The following DNAH17 variants were observed in gnomAD, a reference collection of about 807,000 sequenced individuals.
The protein encoded by DNAH17 is axonemal beta dynein heavy chain 17.
Under a neutral mutation model 485.6 loss-of-function variants are expected in DNAH17, and 376 were observed. The ratio of observed to expected loss-of-function variants is 0.77; its 90% CI spans 0.71 to 0.84. The LOEUF is 0.84. DNAH17 is among the 40% of genes least tolerant of loss of function. The pLI is 0.00. For synonymous variants in DNAH17, 3,031 were observed against 2,405.9 expected, an observed-to-expected ratio of 1.26 and a Z score of -7.60; for missense variants, 6,370 against 5,839.3, an observed-to-expected ratio of 1.09 and a Z score of -2.96.
rs1272114167 is a variant in DNAH17 at position 78,551,633 on chromosome 17, A to G, written c.2293T>C (p.Phe765Leu). The change falls in exon 16 of 81, where the codon TTT becomes CTT. Residue 765 changes from phenylalanine to leucine, a missense_variant. Physicochemically the swap from Phe to Leu is conservative, Grantham distance 22. Coordinates refer to ENST00000389840, the MANE Select transcript of DNAH17 (RefSeq NM_173628.4). ...TCTCGCACCTCTTGAATGTACTGAAACACACCTAAAATGGAAATGTAGAGG... is the reference window on the plus strand; with the variant it reads ...TCTCGCACCTCTTGAATGTACTGAAGCACACCTAAAATGGAAATGTAGAGG... Reference protein sequence around the residue: ...TTLFWNGEGVFQYIQEVREIL... With the variant: ...TTLFWNGEGVLQYIQEVREIL... 1.9e-6 allele frequency: 3 copies of G among 1,613,908 alleles called. No individual in the cohort carries two copies. The highest frequency in any genetic ancestry group is 2.2e-5 in the South Asian group (2 of 91,076).
Position 78,551,612 on chromosome 17 carries a change from G to A in DNAH17, c.2314C>T (p.Arg772Ter), listed in dbSNP as rs201020434. The A allele has an allele frequency of 5.6e-6, 9 of 1,613,732 alleles. No individual in the cohort carries two copies. The highest frequency in any genetic ancestry group is 1.3e-5 in the African/African-American group (1 of 74,854). The change falls in exon 16 of 81, where the codon CGA becomes TGA. Residue 772 changes from arginine to a stop codon, truncating the protein, a stop_gained. Coordinates refer to ENST00000389840, the MANE Select transcript of DNAH17 (RefSeq NM_173628.4). LOFTEE classifies it high-confidence loss of function. ...EGVFQYIQEVREILHNLQNRM... is the reference protein window; with the variant it reads ...EGVFQYIQEV ...TTCTGCAAGTTGTGCAGAATTTCTC[G>A]CACCTCTTGAATGTACTGAAACACA...
chr17:78,546,059 C>T (rs1400501830), intron 16 of DNAH17, among the ~76,000 whole-genome samples: 4 of 151,972 alleles, frequency 2.6e-5, no homozygotes, highest in Admixed American at 6.6e-5. Flanking sequence ...ACTGCAGCCT[C>T]GACCTCCCAG....
In DNAH17 at chr17:78,496,040, G is replaced by A. The variant is rs766715097; in HGVS notation, c.5746-8C>T. 1.9e-5 allele frequency: 30 copies of A among 1,610,568 alleles called. 1 individual carries two copies. In the South Asian group the frequency reaches 3.3e-4, roughly 18 times the overall value. On this transcript the variant is annotated splice_polypyrimidine_tract_variant and splice_region_variant and intron_variant, in intron 37 of 80. Coordinates refer to ENST00000389840, the MANE Select transcript of DNAH17 (RefSeq NM_173628.4). ...ATCCTGGACACATTTTACCTGCACGGTTGGTGACACAGACATGTTAGCATG... is the reference window on the plus strand; with the variant it reads ...ATCCTGGACACATTTTACCTGCACGATTGGTGACACAGACATGTTAGCATG...
chr17:78,524,960 C>T, intron 25 of DNAH17, 49 bp downstream of exon 25: 1 of 1,568,982 alleles, frequency 6.4e-7, no homozygotes, highest in Non-Finnish European at 8.7e-7. Context: ...CCGGGGGCAG[C>T]TCCCTGCAGA....
intron 18 of DNAH17, among the ~76,000 whole-genome samples, chr17:78,539,101 G>T (rs1169380057): frequency 6.6e-6 from 1 of 151,976 alleles, no homozygotes; most frequent in Non-Finnish European, 1.5e-5. Context: ...CGTGGTGGCG[G>T]GCACCTATAA....
chr17:78,488,887 G>T (rs1282214183), intron 44 of DNAH17, among the ~76,000 whole-genome samples: 1 of 152,078 alleles, frequency 6.6e-6, no homozygotes, highest in Admixed American at 6.5e-5. Context: ...AAGGACCGCC[G>T]AGAGCCCCCA....
At chr17:78,427,467 A>G (rs1195754910) in intron 77 of DNAH17, among the ~76,000 whole-genome samples, 1 of 152,184 alleles carries the variant, frequency 6.6e-6, no homozygotes, top group Non-Finnish European at 1.5e-5. Context: ...GGCTTTCTGT[A>G]GGGACCATGC....
At chr17:78,543,456 A>G (rs547345960) in intron 17 of DNAH17, among the ~76,000 whole-genome samples, 8 of 151,848 alleles carry the variant, frequency 5.3e-5, no homozygotes, top group Non-Finnish European at 7.4e-5. Flanking sequence ...GCGCCCGGCT[A>G]ATTTTTTGTA....
intron 56 of DNAH17, among the ~76,000 whole-genome samples, chr17:78,465,168 G>C (rs1161522641): frequency 6.6e-6 from 1 of 152,226 alleles, no homozygotes; most frequent in African/African-American, 2.4e-5. Flanking sequence ...CTAACCGCAA[G>C]TGATCCGCCA....
At chr17:78,424,976 A>C (rs1266873430) in intron 80 of DNAH17, 1 of 173,654 alleles carries the variant, frequency 5.8e-6, no homozygotes, top group Non-Finnish European at 1.2e-5. Context: ...CTGGAGTCTC[A>C]GTGCAGCCAC....
intron 54 of DNAH17, among the ~76,000 whole-genome samples, chr17:78,470,352 GC>G (rs1230710632): frequency 3.3e-5 from 5 of 149,890 alleles, no homozygotes; most frequent in African/African-American, 7.3e-5. Context: ...ACAGGCATGA[GC>G]CACCGTGCCC....
intron 47 of DNAH17, 57 bp downstream of exon 47, chr17:78,485,493 G>A: frequency 1.3e-6 from 2 of 1,506,628 alleles, no homozygotes; most frequent in South Asian, 1.3e-5. Context: ...GGACAGGAGG[G>A]AACGGGGACT....
intron 71 of DNAH17, 63 bp downstream of exon 71, chr17:78,444,541 C>A: frequency 1.4e-6 from 2 of 1,456,332 alleles, no homozygotes; most frequent in Non-Finnish European, 9.1e-7. Context: ...CACAGCCGCT[C>A]GGTCAAGCTT....
chr17:78,516,457 C>T (rs188681124), intron 25 of DNAH17, among the ~76,000 whole-genome samples: 2 of 152,238 alleles, frequency 1.3e-5, no homozygotes, highest in Non-Finnish European at 2.9e-5. Flanking sequence ...GAGGCCGAGG[C>T]GGGTGGATCA....
At chr17:78,459,694 G>T in intron 60 of DNAH17, 90 bp downstream of exon 60, 1 of 1,434,942 alleles carries the variant, frequency 7.0e-7, no homozygotes, top group Non-Finnish European at 9.7e-7. Context: ...GGCCCCAAGA[G>T]CCTGAGGCCA....
intron 20 of DNAH17, among the ~76,000 whole-genome samples, chr17:78,531,559 C>G (rs1027205779): frequency 1.3e-5 from 2 of 151,928 alleles, no homozygotes; most frequent in African/African-American, 4.8e-5. Context: ...AGGATGGTCT[C>G]GATCTCCTGA....
Position 78,475,769 on chromosome 17 carries a change from C to T in DNAH17, c.8219G>A (p.Gly2740Asp), listed in dbSNP as rs756863755. The part of the protein sequence containing the change: ...NIFCHFAQGI[G>D]DPKYVPVTDM... ...GGTTACAGGAACATATTTGGGATCG[C>T]CAATCCCTTGAGCAAAGTGGCAGAA... is the stretch of plus-strand genomic sequence containing the variant. The change falls in exon 53 of 81, where the codon GGC (glycine) becomes GAC (aspartate). Residue 2740 changes from glycine to aspartate, a missense_variant. Transcript: ENST00000389840. 3.7e-6 allele frequency: 6 copies of T among 1,613,944 alleles called. No individual in the cohort carries two copies. The highest frequency in any genetic ancestry group is 5.1e-6 in the Non-Finnish European group (6 of 1,179,892).
chr17:78,453,728 C>T (rs2087657461), intron 64 of DNAH17, among the ~76,000 whole-genome samples: 1 of 152,178 alleles, frequency 6.6e-6, no homozygotes, highest in Non-Finnish European at 1.5e-5. Flanking sequence ...CATTCTCTGG[C>T]CCAGGCTGGA....
intron 20 of DNAH17, among the ~76,000 whole-genome samples, chr17:78,531,785 T>C (rs766847777): frequency 2.0e-5 from 3 of 152,364 alleles, no homozygotes; most frequent in Admixed American, 2.0e-4. Context: ...TATATTGGGG[T>C]TACCTTCATC....
Sources: allele counts gnomAD v4.1 joint callset (sites outside exome capture counted in the v4.1 genomes callset), GRCh38; gene constraint gnomAD v4.1.1; transcripts MANE v1.5; gene names NCBI Gene and HGNC (gene_info 2026-07-23, HGNC 2026-07-21).